Variants in ZBTB4 observed in about 807,000 individuals in gnomAD.
ZBTB4 encodes zinc finger and BTB domain-containing protein 4.
ZBTB4 carries 14 observed loss-of-function variants against 59.8 expected under a neutral mutation model. The observed-to-expected ratio is 0.23, with a 90% CI of 0.15 to 0.37. ZBTB4 has a LOEUF of 0.37. Ranked by LOEUF, ZBTB4 falls within the 10% of genes least tolerant of loss-of-function variation. The pLI, the probability that ZBTB4 is intolerant of heterozygous loss-of-function variation, is 1.00. For synonymous variants in ZBTB4, 587 were observed against 575.2 expected (o/e 1.02, Z -0.29); for missense variants, 1,198 against 1,380.8 (o/e 0.87, Z 2.10).
chr17:7,481,240 G>C (rs1165329909), upstream of ZBTB4: 1 of 289,118 alleles, frequency 3.5e-6, no homozygotes, highest in East Asian at 5.6e-5. Context: ...TGAGGCAGGA[G>C]AATCGCTTGA....
upstream of ZBTB4, chr17:7,483,016 G>T (rs756597130): frequency 6.2e-7 from 1 of 1,611,890 alleles, no homozygotes; most frequent in East Asian, 2.2e-5. Flanking sequence ...GAACTTGGGA[G>T]CCCGGGGGTT....
chr17:7,471,741 T>A (rs1351866978), intron 1 of ZBTB4, among the ~76,000 whole-genome samples: 2 of 152,218 alleles, frequency 1.3e-5, no homozygotes, highest in Non-Finnish European at 2.9e-5. Flanking sequence ...AATTAATAGT[T>A]CCTACCTTGT....
chr17:7,466,158 C>T lies in ZBTB4; in HGVS notation c.644G>A (p.Gly215Asp), dbSNP rs767138917. Residue 215 changes from glycine (G) to aspartate (D), a missense_variant, in exon 3 of 4, where the codon GGT (glycine) becomes GAT (aspartate). Gly to Asp is a moderately conservative substitution (Grantham distance 94). Around this residue, in one of 9 missense-constraint regions of ZBTB4, gnomAD observed 204 missense variants for 205.5 expected, o/e 0.99. Coordinates refer to ENST00000380599, the MANE Select transcript of ZBTB4 (RefSeq NM_001128833.2). The surrounding 1 kb of genome is among the most constrained non-coding windows in gnomAD (Gnocchi z 9.1). ...PGPRPAGEWE[G>D]DRAEAQAPDL... ...AGGGGCCTGGGCCTCAGCCCTGTCA[C>T]CCTCCCACTCCCCAGCTGGCCTGGG... 3 of 1,612,802 alleles carry T rather than the reference C, an allele frequency of 1.9e-6. No individual in the cohort carries two copies. The highest frequency in any genetic ancestry group is 1.3e-5 in the African/African-American group (1 of 74,940).
At chr17:7,478,448 A>G (rs1270874888) in intron 1 of ZBTB4, among the ~76,000 whole-genome samples, 1 of 151,928 alleles carries the variant, frequency 6.6e-6, no homozygotes, top group Non-Finnish European at 1.5e-5. Flanking sequence ...AAACCCATCC[A>G]TCGCCCTCTT....
chr17:7,482,401 C>T (rs746542123), upstream of ZBTB4: 19 of 1,613,990 alleles, frequency 1.2e-5, no homozygotes, highest in East Asian at 2.5e-4. Context: ...GTTCTTCCAC[C>T]GTCTGCTCCG....
chr17:7,482,319 T>C, upstream of ZBTB4: 1 of 1,613,992 alleles, frequency 6.2e-7, no homozygotes, highest in Admixed American at 1.7e-5. Flanking sequence ...CTGCTCAACG[T>C]CCTCAGCATT....
upstream of ZBTB4, chr17:7,482,996 G>A (rs2070367662): frequency 1.2e-6 from 2 of 1,611,884 alleles, no homozygotes; most frequent in Non-Finnish European, 1.7e-6. Flanking sequence ...GAAGGTGGAG[G>A]AGTGAGATAG....
upstream of ZBTB4, among the ~76,000 whole-genome samples, chr17:7,480,281 C>A (rs569907554): frequency 1.3e-4 from 20 of 152,292 alleles, no homozygotes; most frequent in South Asian, 4.2e-3. Flanking sequence ...CTGGGGACAG[C>A]ATCAACAAAA....
upstream of ZBTB4, chr17:7,481,491 G>A: frequency 1.9e-6 from 3 of 1,541,154 alleles, no homozygotes; most frequent in Non-Finnish European, 2.6e-6. Flanking sequence ...CCTGAGCCAG[G>A]AGGAGAGGAG....
chr17:7,480,927 G>C (rs1438675452), upstream of ZBTB4, among the ~76,000 whole-genome samples: 1 of 69,686 alleles, frequency 1.4e-5, no homozygotes, highest in Non-Finnish European at 3.4e-5. Context: ...GGCGGGGGGT[G>C]GTGGGGTGGA....
At chr17:7,471,760 T>G (rs150104402) in intron 1 of ZBTB4, among the ~76,000 whole-genome samples, 1 of 152,230 alleles carries the variant, frequency 6.6e-6, no homozygotes, top group African/African-American at 2.4e-5. Flanking sequence ...GTGGGGTTGT[T>G]GTAAAGATTA....
At chr17:7,467,135 G>C in intron 2 of ZBTB4, 122 bp downstream of exon 2, 1 of 1,140,580 alleles carries the variant, frequency 8.8e-7, no homozygotes, top group Non-Finnish European at 1.1e-6. Flanking sequence ...GGAGGAGGAA[G>C]CTCCACAACT....
chr17:7,470,668 C>G (rs1373322094), intron 1 of ZBTB4, among the ~76,000 whole-genome samples: 1 of 152,162 alleles, frequency 6.6e-6, no homozygotes, highest in Non-Finnish European at 1.5e-5. Flanking sequence ...TGCACTCCAG[C>G]TTGGGCAACA....
intron 1 of ZBTB4, among the ~76,000 whole-genome samples, chr17:7,473,663 G>A (rs2070230656): frequency 6.6e-6 from 1 of 151,484 alleles, no homozygotes; most frequent in African/African-American, 2.4e-5. Flanking sequence ...CCTCTCACCT[G>A]TCAGCCTTCT....
At chr17:7,481,556 T>C (rs1322995513), upstream of ZBTB4, 5 of 1,466,240 alleles carry the variant, frequency 3.4e-6, no homozygotes, top group Non-Finnish European at 2.7e-6. Context: ...ACTCCCTCCC[T>C]ATAGCTCCTG....
intron 1 of ZBTB4, among the ~76,000 whole-genome samples, chr17:7,467,885 G>A (rs2070149025): frequency 6.6e-6 from 1 of 152,210 alleles, no homozygotes; most frequent in Non-Finnish European, 1.5e-5. Flanking sequence ...CAGCTGCCAG[G>A]CAACCATTGA....
rs536515450 is a variant in ZBTB4 at position 7,468,553 on chromosome 17, C to T, written c.-80-1226G>A. On this transcript the variant is annotated intron_variant, in intron 1 of 3. Transcript: ENST00000380599. ...GCCAGACTTATCCAAAGTCACACAG[C>T]GCTGGTAATGACAGGCGGCACCTAT... Among the ~76,000 whole-genome samples the T allele has an allele frequency of 6.6e-5, 10 of 152,274 alleles. No homozygotes were observed. In the South Asian group the frequency reaches 1.5e-3, roughly 22 times the overall value.
rs2069988063 is a variant in ZBTB4, at chr17:7,459,493, T to C, written c.*2447A>G. ...CCTCACTACGTATAGAGCTAGTCTG[T>C]AGAATTCTAAATTTTGCGTGCTGCG... On this transcript the variant is annotated 3_prime_UTR_variant, in exon 4 of 4. Coordinates refer to ENST00000380599, the MANE Select transcript of ZBTB4 (RefSeq NM_001128833.2). 1 of 152,526 alleles carries C rather than the reference T, an allele frequency of 6.6e-6. No homozygotes were observed. The highest frequency in any genetic ancestry group is 1.9e-4 in the East Asian group (1 of 5,202). The allele number at this position is 152,526 out of a possible 1,614,324, so 9.4% of individuals were successfully genotyped here. A position where few individuals can be genotyped will look rare whatever the true frequency, so the allele number is the denominator to read the frequency against.
At chr17:7,480,395 G>A (rs2070329080), upstream of ZBTB4, among the ~76,000 whole-genome samples, 1 of 152,188 alleles carries the variant, frequency 6.6e-6, no homozygotes, top group African/African-American at 2.4e-5. Context: ...TAAGGAGATG[G>A]AGGAGCCAGG....
Sources: allele counts gnomAD v4.1 joint callset (sites outside exome capture counted in the v4.1 genomes callset), GRCh38; gene constraint gnomAD v4.1.1; regional missense constraint gnomAD v4.1.1; non-coding constraint Gnocchi (gnomAD v3.1); transcripts MANE v1.5; gene names NCBI Gene and HGNC (gene_info 2026-07-23, HGNC 2026-07-21).